Variants in EPN2 observed in about 807,000 individuals in gnomAD.
The protein encoded by EPN2 is epsin-2.
EPN2 carries 34 observed loss-of-function variants against 61.7 expected under a neutral mutation model. That is an observed-to-expected ratio of 0.55 (90% CI 0.42 to 0.73). The LOEUF (loss-of-function observed/expected upper bound fraction) is 0.73, where lower values mean the gene tolerates loss of function less well. EPN2 is among the 30% of genes least tolerant of loss of function. The pLI is 0.00. For missense variants in EPN2, 714 were observed against 839.2 expected (o/e 0.85, Z 1.84); for synonymous variants, 349 against 353.6 (o/e 0.99, Z 0.15).
At chr17:19,266,645 G>C (rs2045201577) in intron 1 of EPN2, among the ~76,000 whole-genome samples, 1 of 151,604 alleles carries the variant, frequency 6.6e-6, no homozygotes, top group South Asian at 2.1e-4. Context: ...CTCGTGATCT[G>C]CCCGCCTCGG....
intron 1 of EPN2, among the ~76,000 whole-genome samples, chr17:19,245,175 T>C (rs1489909809): frequency 1.3e-5 from 2 of 152,174 alleles, no homozygotes; most frequent in Non-Finnish European, 2.9e-5. Context: ...CCTGGATGTG[T>C]ACAGCAGGGA....
At chr17:19,254,685 C>A (rs1442643716) in intron 1 of EPN2, among the ~76,000 whole-genome samples, 1 of 152,110 alleles carries the variant, frequency 6.6e-6, no homozygotes, top group Non-Finnish European at 1.5e-5. Flanking sequence ...AAACCCCACC[C>A]TTCTTAGTCT....
At chr17:19,267,116 G>A (rs1597981721) in intron 1 of EPN2, among the ~76,000 whole-genome samples, 1 of 151,928 alleles carries the variant, frequency 6.6e-6, no homozygotes, top group East Asian at 2.0e-4. Flanking sequence ...TGGGATGACA[G>A]GCGTGAGCCA....
intron 6 of EPN2, 22 bp from the exon 7 acceptor site, chr17:19,313,083 C>T: frequency 6.2e-7 from 1 of 1,610,108 alleles, no homozygotes. Flanking sequence ...TAAAACCTGT[C>T]CCCTTCTCTT....
chr17:19,248,578 A>G (rs973053292), intron 1 of EPN2: 4 of 152,342 alleles, frequency 2.6e-5, no homozygotes, highest in African/African-American at 9.6e-5. Flanking sequence ...GGGATTTTAC[A>G]TGGTACAGTT....
intron 1 of EPN2, among the ~76,000 whole-genome samples, chr17:19,242,556 C>G (rs2044897112): frequency 6.6e-6 from 1 of 152,198 alleles, no homozygotes; most frequent in African/African-American, 2.4e-5. Flanking sequence ...CTGCTTCGTT[C>G]CTGGGCATAG....
intron 7 of EPN2, among the ~76,000 whole-genome samples, chr17:19,323,093 G>T (rs1191541977): frequency 4.6e-5 from 7 of 152,182 alleles, no homozygotes. Context: ...AGCTTGCTGG[G>T]TGCCACCCTA....
chr17:19,246,209 T>C (rs542418555), intron 1 of EPN2, among the ~76,000 whole-genome samples: 2 of 151,654 alleles, frequency 1.3e-5, no homozygotes, highest in African/African-American at 2.4e-5. Context: ...AATACAAAAA[T>C]TAGCTGGGCG....
At chr17:19,331,005 G>C (rs778055077) in intron 9 of EPN2, among the ~76,000 whole-genome samples, 12 of 152,100 alleles carry the variant, frequency 7.9e-5, no homozygotes, top group Non-Finnish European at 1.3e-4. Context: ...TTGTTTTTTT[G>C]TTTTGTTTTG....
intron 5 of EPN2, among the ~76,000 whole-genome samples, chr17:19,310,505 G>GT (rs1371988357): frequency 2.8e-5 from 4 of 142,702 alleles, no homozygotes; most frequent in Admixed American, 2.1e-4. Flanking sequence ...TATAGTTTTA[G>GT]TTTTTTTCAG....
chr17:19,243,726 A>G (rs1386403761), intron 1 of EPN2, among the ~76,000 whole-genome samples: 2 of 151,890 alleles, frequency 1.3e-5, no homozygotes, highest in East Asian at 3.9e-4. Flanking sequence ...TTTAGTAGAG[A>G]TGGGGTTTTA....
intron 4 of EPN2, among the ~76,000 whole-genome samples, chr17:19,303,165 G>T (rs1300830483): frequency 6.6e-6 from 1 of 152,212 alleles, no homozygotes. Flanking sequence ...AGAATAAGTT[G>T]TGGGTATCCT....
At chr17:19,331,517 GA>G (rs563630277) in intron 9 of EPN2, among the ~76,000 whole-genome samples, 2,136 of 126,188 alleles carry the variant, frequency 0.017, 39 homozygotes, top group African/African-American at 0.052. Flanking sequence ...GAAAATGTAA[GA>G]AAAAAAAAAA....
intron 4 of EPN2, among the ~76,000 whole-genome samples, chr17:19,291,687 G>C (rs934065842): frequency 1.3e-5 from 2 of 152,058 alleles, no homozygotes; most frequent in Non-Finnish European, 2.9e-5. Context: ...TGATCCACCC[G>C]CCTCGGCCTC....
intron 7 of EPN2, among the ~76,000 whole-genome samples, chr17:19,318,349 A>G (rs1207243255): frequency 6.6e-6 from 1 of 151,646 alleles, no homozygotes; most frequent in Admixed American, 6.6e-5. Context: ...AGAGATCGAG[A>G]CCATCCTTGG....
chr17:19,268,740 G>A (rs186863779), intron 1 of EPN2, among the ~76,000 whole-genome samples: 136 of 152,268 alleles, frequency 8.9e-4, no homozygotes, highest in Non-Finnish European at 1.8e-3. Flanking sequence ...CCATGGACAG[G>A]AACACGGGTA....
At chr17:19,244,528 C>T (rs1192856091) in intron 1 of EPN2, among the ~76,000 whole-genome samples, 1 of 151,818 alleles carries the variant, frequency 6.6e-6, no homozygotes, top group Non-Finnish European at 1.5e-5. Flanking sequence ...GTCCTGGATT[C>T]CCACGGGGCC....
intron 4 of EPN2, among the ~76,000 whole-genome samples, chr17:19,297,681 C>T (rs1307878546): frequency 1.3e-5 from 2 of 152,092 alleles, no homozygotes; most frequent in Admixed American, 6.6e-5. Context: ...TCCCAGTTTG[C>T]GAGGGAGCAT....
In EPN2 at chr17:19,335,613, A is replaced by C; in HGVS notation, c.*1359A>C. On this transcript the variant is annotated 3_prime_UTR_variant, in exon 11 of 11. Coordinates refer to ENST00000314728, the MANE Select transcript of EPN2 (RefSeq NM_014964.5). ...CCTGGGCAACAGTCCCTAGGCTAAGACAGGGGTGGGGGGCTAAGGGACCAG... is the reference window on the plus strand; with the variant it reads ...CCTGGGCAACAGTCCCTAGGCTAAGCCAGGGGTGGGGGGCTAAGGGACCAG... The C allele has an allele frequency of 9.8e-4, 455 of 462,740 alleles. No individual in the cohort carries two copies. The highest frequency in any genetic ancestry group is 2.1e-3 in the East Asian group (43 of 20,866). The allele number at this position is 462,740 out of a possible 1,614,324, so 28.7% of individuals were successfully genotyped here.
Sources: allele counts gnomAD v4.1 joint callset (sites outside exome capture counted in the v4.1 genomes callset), GRCh38; gene constraint gnomAD v4.1.1; transcripts MANE v1.5; gene names NCBI Gene and HGNC (gene_info 2026-07-23, HGNC 2026-07-21).